The following PTX3 variants were observed in gnomAD, a reference collection of about 807,000 sequenced individuals.
PTX3 encodes pentraxin-related protein PTX3.
In PTX3, 24 loss-of-function variants were observed where a neutral mutation model predicts 23.5. The observed-to-expected ratio is 1.02, with a 90% CI of 0.74 to 1.43. The LOEUF is 1.43. Among genes scored for constraint, PTX3 ranks in the 40% most tolerant of loss-of-function variants. The probability of loss-of-function intolerance (pLI) is 0.00; values close to 1 mark genes in which losing one functional copy is unlikely to be tolerated. For synonymous variants in PTX3, 218 were observed against 205.4 expected (o/e 1.06, Z -0.53); for missense variants, 510 against 497.5 (o/e 1.02, Z -0.24).
chr3:157,438,035 G>GCACACACA (rs1294089889), intron 2 of PTX3, 121 bp downstream of exon 2: 34 of 701,810 alleles, frequency 4.8e-5, no homozygotes, highest in East Asian at 3.2e-4. Context: ...GCGCGCGCGC[G>GCACACACA]CGCACACACA....
Position 157,437,889 on chromosome 3 carries a change from G to T in PTX3, c.507G>T (p.Trp169Cys). 1 of 1,520,358 alleles carries T rather than the reference G, an allele frequency of 6.6e-7. No homozygotes were observed. Among genetic ancestry groups the T allele is most frequent in the Admixed American group, 2.0e-5 (1 of 49,436 alleles). 94.2% of individuals were successfully genotyped at this position (1,520,358 alleles called of 1,614,324 possible). A position where few individuals can be genotyped will look rare whatever the true frequency, so the allele number is the denominator to read the frequency against. ...TRADLHAVQG[W>C]AARSWLPAGC... is the part of the protein sequence containing the mutation. ...CCGACCTGCACGCGGTGCAGGGCTG[G>T]GCTGCCCGGAGCTGGCTGCCGGCAG... The change falls in exon 2 of 3, where the codon TGG becomes TGT. Residue 169 changes from tryptophan (W) to cysteine (C), a missense_variant. Trp to Cys is a radical substitution (Grantham distance 215). Coordinates refer to ENST00000295927, the MANE Select transcript of PTX3 (RefSeq NM_002852.4).
chr3:157,439,038 A>T (rs997572554), intron 2 of PTX3, among the ~76,000 whole-genome samples: 10 of 152,238 alleles, frequency 6.6e-5, no homozygotes, highest in African/African-American at 2.4e-4. Flanking sequence ...CAGAAACCAT[A>T]TCATATTTCC....
rs745911276 is a variant in PTX3 at position 157,442,749 on chromosome 3, G to C, written c.916G>C (p.Gly306Arg). 1 of 1,614,110 alleles carries C rather than the reference G, an allele frequency of 6.2e-7. No individual in the cohort carries two copies. Among genetic ancestry groups the C allele is most frequent in the African/African-American group, 1.3e-5 (1 of 74,942 alleles). The change falls in exon 3 of 3, where the codon GGA becomes CGA. Residue 306 changes from glycine to arginine, a missense_variant. Transcript: ENST00000295927. The part of the protein sequence containing the change: ...MATGHIVPEG[G>R]ILQIGQEKNG... ...CACAGGTCACATTGTTCCTGAGGGAGGAATCCTGCAGATTGGCCAAGAAAA... is the reference window on the plus strand; with the variant it reads ...CACAGGTCACATTGTTCCTGAGGGACGAATCCTGCAGATTGGCCAAGAAAA...
At chr3:157,437,364 A>G (rs1051633105) in intron 1 of PTX3, 149 bp from the exon 2 acceptor site, 6 of 988,736 alleles carry the variant, frequency 6.1e-6, no homozygotes, top group African/African-American at 4.9e-5. Context: ...TGAGACATTT[A>G]CATGCTGTTT....
In PTX3 at chr3:157,442,657, A is replaced by G. The variant is rs754473132; in HGVS notation, c.824A>G (p.Asn275Ser). 1 of 1,614,230 alleles carries G rather than the reference A, an allele frequency of 6.2e-7. No individual in the cohort carries two copies. Among genetic ancestry groups the G allele is most frequent in the Non-Finnish European group, 8.5e-7 (1 of 1,180,042 alleles). Residue 275 changes from asparagine to serine, a missense_variant, in exon 3 of 3, where the codon AAT becomes AGT. By Grantham distance (46) the Asn-to-Ser change is conservative (BLOSUM62 1). Transcript: ENST00000295927. The stretch of plus-strand genomic sequence containing the variant: ...TGGACCCACCTGTGCGGCACCTGGA[A>G]TTCAGAGGAAGGGCTCACATCCTTG... Reference protein sequence around the residue: ...GRWTHLCGTWNSEEGLTSLWV... With the variant: ...GRWTHLCGTWSSEEGLTSLWV...
chr3:157,437,971 G>A (rs1317216227), intron 2 of PTX3, 57 bp downstream of exon 2: 4 of 1,507,214 alleles, frequency 2.7e-6, no homozygotes, highest in East Asian at 5.1e-5. Context: ...GGGAGCGCGC[G>A]TAACGGCAAG....
In PTX3 at chr3:157,442,411, T is replaced by C. The variant is rs529759691; in HGVS notation, c.578T>C (p.Phe193Ser). 1.3e-4 allele frequency: 205 copies of C among 1,613,908 alleles called. 1 individual carries two copies. The South Asian group carries it at 2.0e-3, about 16-fold the overall frequency. ...TTCCCAATGCGTTCCAAGAAGATTT[T>C]TGGAAGCGTGCATCCAGTGAGACCA... ...ILFPMRSKKI[F>S]GSVHPVRPMR... The change falls in exon 3 of 3, where the codon TTT (phenylalanine) becomes TCT (serine). Residue 193 changes from phenylalanine (F) to serine (S), a missense_variant. Transcript: ENST00000295927.
chr3:157,437,780 G>A lies in PTX3; in HGVS notation c.398G>A (p.Arg133His). ...CGCGACGCGGGCCGCAGGCTGGCGC[G>A]TATGGAGGGCGCGGAGGCGCAGCGC... ...ATRDAGRRLA[R>H]MEGAEAQRPE... Residue 133 changes from arginine to histidine, a missense_variant, in exon 2 of 3, where the codon CGT becomes CAT. Coordinates refer to ENST00000295927, the MANE Select transcript of PTX3 (RefSeq NM_002852.4). The A allele has an allele frequency of 6.8e-7, 1 of 1,475,572 alleles. No individual in the cohort carries two copies. The highest frequency in any genetic ancestry group is 8.9e-7 in the Non-Finnish European group (1 of 1,124,928). The allele number at this position is 1,475,572 out of a possible 1,614,324, so 91.4% of individuals were successfully genotyped here.
At chr3:157,437,413 C>A in intron 1 of PTX3, 100 bp from the exon 2 acceptor site, 1 of 1,403,318 alleles carries the variant, frequency 7.1e-7, no homozygotes. Flanking sequence ...ATGCCAGGAA[C>A]GGGCTGCAAC....
chr3:157,441,785 G>A (rs968731909), intron 2 of PTX3, among the ~76,000 whole-genome samples: 1 of 151,350 alleles, frequency 6.6e-6, no homozygotes, highest in African/African-American at 2.4e-5. Context: ...AATCCAGCCT[G>A]GGTGACAGAG....
chr3:157,438,001 AG>A, intron 2 of PTX3, 87 bp downstream of exon 2: 1 of 1,438,142 alleles, frequency 7.0e-7, no homozygotes. Flanking sequence ...GCAACCTTCT[AG>A]GGGAAGCTTT....
At position 157,437,082 on chromosome 3, in the gene PTX3, T is replaced by A. The variant is rs1577653061; in HGVS notation, c.130+19T>A. On this transcript the variant is annotated intron_variant, in intron 1 of 2. Transcript: ENST00000295927. The stretch of plus-strand genomic sequence containing the variant: ...GAGGACCGTAAGTTCACTTTAACTG[T>A]TTCTCTGCTAACCCTGACTACATAT... 1.2e-6 allele frequency: 2 copies of A among 1,612,262 alleles called. No homozygotes were observed. Among genetic ancestry groups the A allele is most frequent in the East Asian group, 2.2e-5 (1 of 44,860 alleles).
intron 2 of PTX3, 123 bp downstream of exon 2, chr3:157,438,037 GCA>G (rs781700719): frequency 0.032 from 15,433 of 477,752 alleles, 18 homozygotes; most frequent in Non-Finnish European, 0.039. Flanking sequence ...GCGCGCGCGC[GCA>G]CACACACACA....
intron 2 of PTX3, among the ~76,000 whole-genome samples, chr3:157,439,942 G>C (rs1219678283): frequency 6.6e-6 from 1 of 152,052 alleles, no homozygotes; most frequent in African/African-American, 2.4e-5. Flanking sequence ...AGTAGAGACG[G>C]GGTTTCACCG....
Position 157,437,843 on chromosome 3 carries a change from A to T in PTX3, c.461A>T (p.Glu154Val). The T allele has an allele frequency of 6.7e-7, 1 of 1,496,274 alleles. No individual in the cohort carries two copies. The allele number at this position is 1,496,274 out of a possible 1,614,324, so 92.7% of individuals were successfully genotyped here. ...GGGCGCGCCCTGGCCGCGGTGCTAGAGGAGCTGCGGCAGACGCGAGCCGAC... is the reference window on the plus strand; with the variant it reads ...GGGCGCGCCCTGGCCGCGGTGCTAGTGGAGCTGCGGCAGACGCGAGCCGAC... ...EAGRALAAVL[E>V]ELRQTRADLH... is the part of the protein sequence containing the mutation. The change falls in exon 2 of 3, where the codon GAG becomes GTG. Residue 154 changes from glutamate to valine, a missense_variant. Coordinates refer to ENST00000295927, the MANE Select transcript of PTX3 (RefSeq NM_002852.4).
chr3:157,438,288 G>T (rs1284802505), intron 2 of PTX3, among the ~76,000 whole-genome samples: 4 of 151,956 alleles, frequency 2.6e-5, no homozygotes, highest in Admixed American at 1.3e-4. Flanking sequence ...CCCTCTTGCC[G>T]CCCAGCTTCC....
At chr3:157,442,095 A>G (rs78836556) in intron 2 of PTX3, among the ~76,000 whole-genome samples, 2 of 152,090 alleles carry the variant, frequency 1.3e-5, no homozygotes. Context: ...TATGGCTTTT[A>G]TTATTTTGTG....
rs1414831614 is a variant in PTX3, at chr3:157,436,964, C to G, written c.31C>G (p.Leu11Val). 6.2e-7 allele frequency: 1 copy of G among 1,614,036 alleles called. No individual in the cohort carries two copies. MHLLAILFCA[L>V]WSAVLAENSD... ...TCTCCTTGCGATTCTGTTTTGTGCT[C>G]TCTGGTCTGCAGTGTTGGCCGAGAA... The change falls in exon 1 of 3, where the codon CTC becomes GTC. Residue 11 changes from leucine to valine, a missense_variant. Coordinates refer to ENST00000295927, the MANE Select transcript of PTX3 (RefSeq NM_002852.4).
Position 157,437,861 on chromosome 3 carries a change from G to A in PTX3, c.479G>A (p.Arg160Gln). The A allele has an allele frequency of 6.7e-7, 1 of 1,500,098 alleles. No homozygotes were observed. Among genetic ancestry groups the A allele is most frequent in the Non-Finnish European group, 8.8e-7 (1 of 1,133,864 alleles). 92.9% of individuals were successfully genotyped at this position (1,500,098 alleles called of 1,614,324 possible). A position where few individuals can be genotyped will look rare whatever the true frequency, so the allele number is the denominator to read the frequency against. Reference protein sequence around the residue: ...AAVLEELRQTRADLHAVQGWA... With the variant: ...AAVLEELRQTQADLHAVQGWA... Reference sequence around the variant, plus strand: ...GTGCTAGAGGAGCTGCGGCAGACGCGAGCCGACCTGCACGCGGTGCAGGGC... The same window carrying A: ...GTGCTAGAGGAGCTGCGGCAGACGCAAGCCGACCTGCACGCGGTGCAGGGC... The change falls in exon 2 of 3, where the codon CGA becomes CAA. Residue 160 changes from arginine to glutamine, a missense_variant. Physicochemically the swap from Arg to Gln is conservative, Grantham distance 43. Transcript: ENST00000295927.
Sources: gnomAD v4.1 joint callset for allele counts (sites outside exome capture counted in the v4.1 genomes callset) on GRCh38, gnomAD v4.1.1 for gene constraint, MANE v1.5 for transcripts, NCBI Gene and HGNC (gene_info 2026-07-23, HGNC 2026-07-21) for gene names.